The following PCDH9 variants were observed in gnomAD, a reference collection of about 807,000 sequenced individuals.
PCDH9 encodes the protein protocadherin 9, also known as protocadherin-9.
In PCDH9, 24 loss-of-function variants were observed where a neutral mutation model predicts 70.6. The ratio of observed to expected loss-of-function variants is 0.34; its 90% confidence interval spans 0.25 to 0.48. The LOEUF (loss-of-function observed/expected upper bound fraction) is 0.48, where lower values mean the gene tolerates loss of function less well. Among genes scored for constraint, PCDH9 ranks in the 20% least tolerant of loss-of-function variants. The pLI is 0.99. For synonymous variants in PCDH9, 562 were observed against 558.5 expected (o/e 1.01, Z -0.09); for missense variants, 1,281 against 1,503.6 (o/e 0.85, Z 2.45).
intron 3 of PCDH9, among the ~76,000 whole-genome samples, chr13:66,722,427 C>T (rs984369370): frequency 4.6e-5 from 7 of 152,058 alleles, no homozygotes; most frequent in South Asian, 2.1e-4. Context: ...TCAGGCTAAA[C>T]AATTATAAAG....
intron 2 of PCDH9, among the ~76,000 whole-genome samples, chr13:67,025,486 A>G (rs185800064): frequency 9.5e-4 from 144 of 152,190 alleles, no homozygotes; most frequent in Non-Finnish European, 1.5e-3. Flanking sequence ...AAAAATATAT[A>G]ATTATGACCA....
At chr13:66,834,750 A>C (rs1867627642) in intron 3 of PCDH9, among the ~76,000 whole-genome samples, 1 of 152,236 alleles carries the variant, frequency 6.6e-6, no homozygotes, top group Non-Finnish European at 1.5e-5. Context: ...ATCAAAATGC[A>C]TAATGTTTAC....
chr13:66,807,718 T>C (rs538354710), intron 3 of PCDH9, among the ~76,000 whole-genome samples: 2 of 152,346 alleles, frequency 1.3e-5, no homozygotes, highest in South Asian at 4.1e-4. Context: ...GCATGTATTA[T>C]GTTTCTGTTA....
At chr13:66,727,028 T>C (rs2139165602) in intron 3 of PCDH9, among the ~76,000 whole-genome samples, 1 of 152,218 alleles carries the variant, frequency 6.6e-6, no homozygotes, top group South Asian at 2.1e-4. Context: ...GAGGCTGAAT[T>C]GGGAGGATTG....
chr13:66,512,344 A>G (rs1486374684), intron 4 of PCDH9, among the ~76,000 whole-genome samples: 1 of 151,044 alleles, frequency 6.6e-6, no homozygotes, highest in African/African-American at 2.4e-5. Context: ...TTAACTATTG[A>G]TAAATGGGTT....
At chr13:66,522,981 A>G (rs1960065787) in intron 4 of PCDH9, among the ~76,000 whole-genome samples, 1 of 152,112 alleles carries the variant, frequency 6.6e-6, no homozygotes, top group Non-Finnish European at 1.5e-5. Flanking sequence ...TCTTAACATT[A>G]GCATAGTTTG....
At chr13:67,140,025 A>ACAC (rs2087335836) in intron 2 of PCDH9, among the ~76,000 whole-genome samples, 1 of 65,938 alleles carries the variant, frequency 1.5e-5, no homozygotes. Context: ...TTTTTTGATC[A>ACAC]CCCCCCCCCC....
At chr13:66,824,381 C>G (rs562799200) in intron 3 of PCDH9, among the ~76,000 whole-genome samples, 1 of 145,674 alleles carries the variant, frequency 6.9e-6, no homozygotes, top group Non-Finnish European at 1.5e-5. Flanking sequence ...TAAGGCCCAG[C>G]GCGGTGGCTC....
At chr13:66,418,501 T>C (rs1427850551) in intron 4 of PCDH9, among the ~76,000 whole-genome samples, 1 of 152,094 alleles carries the variant, frequency 6.6e-6, no homozygotes, top group African/African-American at 2.4e-5. Flanking sequence ...TTTGGTCCCA[T>C]ATGAAATTAA....
chr13:66,612,679 C>T (rs1353609697), intron 4 of PCDH9, among the ~76,000 whole-genome samples: 1 of 152,132 alleles, frequency 6.6e-6, no homozygotes, highest in Admixed American at 6.6e-5. Flanking sequence ...CCAGCCTGCC[C>T]ACTGAAGGGG....
chr13:66,631,767 T>C (rs1198466644), intron 3 of PCDH9, among the ~76,000 whole-genome samples: 1 of 152,184 alleles, frequency 6.6e-6, no homozygotes, highest in Non-Finnish European at 1.5e-5. Flanking sequence ...TTTTGATAAA[T>C]CTAAATAAAT....
intron 2 of PCDH9, among the ~76,000 whole-genome samples, chr13:67,055,123 T>G (rs949669387): frequency 6.6e-6 from 1 of 152,218 alleles, no homozygotes; most frequent in Non-Finnish European, 1.5e-5. Flanking sequence ...TCACTGAACT[T>G]TTTTCATTCT....
chr13:67,027,440 C>T (rs1204330176), intron 2 of PCDH9, among the ~76,000 whole-genome samples: 15 of 152,276 alleles, frequency 9.9e-5, no homozygotes, highest in African/African-American at 3.1e-4. Flanking sequence ...AAGACTTGAA[C>T]GTTAGACCTA....
intron 2 of PCDH9, among the ~76,000 whole-genome samples, chr13:67,040,299 A>G (rs2085087086): frequency 6.6e-6 from 1 of 152,020 alleles, no homozygotes; most frequent in African/African-American, 2.4e-5. Flanking sequence ...CATGCATGGG[A>G]TTACTGCCTT....
chr13:66,987,749 T>G (rs1368147581), intron 2 of PCDH9, among the ~76,000 whole-genome samples: 2 of 151,956 alleles, frequency 1.3e-5, no homozygotes, highest in Non-Finnish European at 2.9e-5. Context: ...CTGGGAGATA[T>G]TCTTATGGTT....
At chr13:67,004,008 G>T (rs1259302556) in intron 2 of PCDH9, among the ~76,000 whole-genome samples, 1 of 152,084 alleles carries the variant, frequency 6.6e-6, no homozygotes, top group East Asian at 1.9e-4. Context: ...AGTCCCATTA[G>T]TTTTGATGAA....
chr13:67,193,128 G>A (rs763459347), intron 2 of PCDH9, among the ~76,000 whole-genome samples: 3 of 152,040 alleles, frequency 2.0e-5, no homozygotes, highest in Non-Finnish European at 4.4e-5. Context: ...ACATTGGTTT[G>A]GAACCCAATA....
intron 2 of PCDH9, among the ~76,000 whole-genome samples, chr13:67,038,418 T>C (rs2085050165): frequency 6.6e-6 from 1 of 152,274 alleles, no homozygotes; most frequent in Admixed American, 6.5e-5. Flanking sequence ...ATAAATACCA[T>C]ATAAATACAG....
chr13:66,506,009 T>TATATA (rs1959209104), intron 4 of PCDH9, among the ~76,000 whole-genome samples: 1 of 152,214 alleles, frequency 6.6e-6, no homozygotes, highest in African/African-American at 2.4e-5. Context: ...GGGTAATCTG[T>TATATA]ACTCTCATAT....
Sources: gnomAD v4.1 joint callset for allele counts (sites outside exome capture counted in the v4.1 genomes callset) on GRCh38, gnomAD v4.1.1 for gene constraint, MANE v1.5 for transcripts, NCBI Gene and HGNC (gene_info 2026-07-23, HGNC 2026-07-21) for gene names.